The following NUDT4 variants were observed in gnomAD, a reference collection of about 807,000 sequenced individuals.
NUDT4 encodes nudix hydrolase 4, also known as diphosphoinositol polyphosphate phosphohydrolase 2.
In NUDT4, 5 loss-of-function variants were observed where a neutral mutation model predicts 23.1. The observed-to-expected ratio is 0.22, with a 90% CI of 0.11 to 0.46. The LOEUF is 0.46. Among genes scored for constraint, NUDT4 ranks in the 20% least tolerant of loss-of-function variants. The pLI, the probability that NUDT4 is intolerant of heterozygous loss-of-function variation, is 0.99. For missense variants in NUDT4, 96 were observed against 211.6 expected, an observed-to-expected ratio of 0.45 and a Z score of 3.39; for synonymous variants, 50 against 79.0, an observed-to-expected ratio of 0.63 and a Z score of 1.95.
In NUDT4 at chr12:93,381,781, A is replaced by G. The variant is rs572701740; in HGVS notation, c.99+3360A>G. Among the ~76,000 whole-genome samples, 4 of 152,358 alleles carry G rather than the reference A, an allele frequency of 2.6e-5. No individual in the cohort carries two copies. The South Asian group carries it at 6.2e-4, about 24-fold the overall frequency. On this transcript the variant is annotated intron_variant, in intron 1 of 4. Coordinates refer to ENST00000415493, the MANE Select transcript of NUDT4 (RefSeq NM_019094.6). ...AAGGTTGAGAAGTTGCTACGCAAGA[A>G]CAAAGTTTTGTTTTGAACTTAGTTT...
At chr12:93,386,138 G>C (rs529670569) in intron 1 of NUDT4, among the ~76,000 whole-genome samples, 45 of 151,690 alleles carry the variant, frequency 3.0e-4, no homozygotes, top group African/African-American at 9.7e-4. Context: ...ACCATGCCTG[G>C]CTAATTTATT....
intron 1 of NUDT4, among the ~76,000 whole-genome samples, chr12:93,383,312 C>T (rs1024416582): frequency 1.3e-5 from 2 of 152,124 alleles, no homozygotes; most frequent in African/African-American, 4.8e-5. Flanking sequence ...AAAAGAAGTA[C>T]TAATTTTCTT....
rs1877636533 is a variant in NUDT4, at chr12:93,403,794, TG to T, written c.*4417del. The T allele has an allele frequency of 6.6e-6, 1 of 152,218 alleles. No homozygotes were observed. Among genetic ancestry groups the T allele is most frequent in the African/African-American group, 2.4e-5 (1 of 41,450 alleles). The allele number at this position is 152,218 out of a possible 1,614,324, so 9.4% of individuals were successfully genotyped here. A position where few individuals can be genotyped will look rare whatever the true frequency, so the allele number is the denominator to read the frequency against. On this transcript the variant is annotated 3_prime_UTR_variant, in exon 5 of 5. Transcript: ENST00000415493. ...GTCAGGATGAAAAGTAATCTATCGC[TG>T]GTGCTACTTTAATACCTTCCTGACT...
intron 4 of NUDT4, 48 bp downstream of exon 4, chr12:93,398,903 G>C: frequency 1.6e-6 from 2 of 1,248,146 alleles, no homozygotes; most frequent in Non-Finnish European, 2.3e-6. Context: ...CAGAAGATTG[G>C]GAAGATTCTG....
chr12:93,381,322 G>C (rs1460834440), intron 1 of NUDT4, among the ~76,000 whole-genome samples: 2 of 152,170 alleles, frequency 1.3e-5, no homozygotes, highest in Non-Finnish European at 2.9e-5. Flanking sequence ...AGCACCCTCA[G>C]TTTTGGCCGC....
At chr12:93,390,797 G>GT (rs1248344682) in intron 1 of NUDT4, among the ~76,000 whole-genome samples, 1 of 152,114 alleles carries the variant, frequency 6.6e-6, no homozygotes, top group East Asian at 1.9e-4. Flanking sequence ...TGTAGAGGGA[G>GT]TTTTGCTGTG....
intron 1 of NUDT4, among the ~76,000 whole-genome samples, chr12:93,381,224 G>C (rs1418919542): frequency 6.6e-6 from 1 of 152,190 alleles, no homozygotes; most frequent in Admixed American, 6.5e-5. Context: ...GGTCACAGAA[G>C]CTGGCAGATC....
intron 1 of NUDT4, among the ~76,000 whole-genome samples, chr12:93,380,235 C>T (rs796096427): frequency 1.1e-4 from 16 of 152,238 alleles, no homozygotes; most frequent in African/African-American, 3.4e-4. Flanking sequence ...ACTTGGAATT[C>T]AGGCTTTGTA....
intron 1 of NUDT4, among the ~76,000 whole-genome samples, chr12:93,392,689 C>T (rs1365403707): frequency 1.4e-4 from 15 of 108,086 alleles, no homozygotes; most frequent in African/African-American, 5.1e-4. Flanking sequence ...TTTTTTCCCC[C>T]GAGATGGAGT....
chr12:93,407,601 A>G lies in NUDT4; in HGVS notation c.*8222A>G, dbSNP rs1395916956. 6.6e-6 allele frequency: 1 copy of G among 152,232 alleles called. No homozygotes were observed. The highest frequency in any genetic ancestry group is 1.5e-5 in the Non-Finnish European group (1 of 68,044). The allele number at this position is 152,232 out of a possible 1,614,324, so 9.4% of individuals were successfully genotyped here. A position where few individuals can be genotyped will look rare whatever the true frequency, so the allele number is the denominator to read the frequency against. ...CCTCTCAGTTAAGTCCCGTGCACAA[A>G]GGTGGGTCAGGTCTACTGTTGCCAG... On this transcript the variant is annotated 3_prime_UTR_variant, in exon 5 of 5. Coordinates refer to ENST00000415493, the MANE Select transcript of NUDT4 (RefSeq NM_019094.6).
intron 1 of NUDT4, 114 bp downstream of exon 1, chr12:93,378,535 C>CTTCCTCCCTCCCTCCT (rs1178803363): frequency 5.4e-5 from 70 of 1,294,568 alleles, no homozygotes; most frequent in Admixed American, 2.2e-4. Flanking sequence ...GATTAGCCCC[C>CTTCCTCCCTCCCTCCT]TTCCTCCCTC....
chr12:93,382,021 C>T (rs1468170911), intron 1 of NUDT4, among the ~76,000 whole-genome samples: 2 of 152,158 alleles, frequency 1.3e-5, no homozygotes, highest in South Asian at 2.1e-4. Flanking sequence ...CTTTGGGAGG[C>T]GGAGGTGGGC....
At chr12:93,380,238 G>A (rs1875561660) in intron 1 of NUDT4, among the ~76,000 whole-genome samples, 1 of 152,122 alleles carries the variant, frequency 6.6e-6, no homozygotes, top group Non-Finnish European at 1.5e-5. Context: ...TGGAATTCAG[G>A]CTTTGTAAAA....
At chr12:93,379,216 C>A (rs889727744) in intron 1 of NUDT4, among the ~76,000 whole-genome samples, 9 of 152,120 alleles carry the variant, frequency 5.9e-5, no homozygotes, top group African/African-American at 2.2e-4. Context: ...GATAATTTAC[C>A]CATCTGCATT....
intron 1 of NUDT4, among the ~76,000 whole-genome samples, chr12:93,384,783 G>GT (rs1875944228): frequency 6.6e-6 from 1 of 150,898 alleles, no homozygotes; most frequent in African/African-American, 2.4e-5. Flanking sequence ...TTTTTTAAGA[G>GT]TCTCACTCTG....
At chr12:93,379,447 G>T (rs1475963767) in intron 1 of NUDT4, among the ~76,000 whole-genome samples, 4 of 152,206 alleles carry the variant, frequency 2.6e-5, no homozygotes, top group Non-Finnish European at 4.4e-5. Flanking sequence ...GCTGGAGATG[G>T]GAATTTAATG....
At chr12:93,398,257 T>C (rs560619061) in intron 3 of NUDT4, among the ~76,000 whole-genome samples, 1 of 150,042 alleles carries the variant, frequency 6.7e-6, no homozygotes, top group African/African-American at 2.5e-5. Context: ...GGAGAATCAC[T>C]TGAACCTGGG....
intron 1 of NUDT4, among the ~76,000 whole-genome samples, chr12:93,388,888 G>T (rs1004788349): frequency 1.3e-5 from 2 of 152,148 alleles, no homozygotes; most frequent in Non-Finnish European, 2.9e-5. Flanking sequence ...TATGATGCTA[G>T]TGGTGACTGT....
Position 93,404,502 on chromosome 12 carries a change from A to C in NUDT4, c.*5123A>C, listed in dbSNP as rs929150602. The C allele has an allele frequency of 1.3e-5, 2 of 152,236 alleles. No individual in the cohort carries two copies. The highest frequency in any genetic ancestry group is 4.8e-5 in the African/African-American group (2 of 41,464). The allele number at this position is 152,236 out of a possible 1,614,324, so 9.4% of individuals were successfully genotyped here. Reference sequence around the variant, plus strand: ...TCTAGTCAACAAATGGACAAGTTGCACAACCAAGCTATGGTCAAATATGTG... The same window carrying C: ...TCTAGTCAACAAATGGACAAGTTGCCCAACCAAGCTATGGTCAAATATGTG... On this transcript the variant is annotated 3_prime_UTR_variant, in exon 5 of 5. Coordinates refer to ENST00000415493, the MANE Select transcript of NUDT4 (RefSeq NM_019094.6).
Sources: gnomAD v4.1 joint callset for allele counts (sites outside exome capture counted in the v4.1 genomes callset) on GRCh38, gnomAD v4.1.1 for gene constraint, MANE v1.5 for transcripts, NCBI Gene and HGNC (gene_info 2026-07-23, HGNC 2026-07-21) for gene names.